Variants in ODAD4 observed in about 807,000 individuals in gnomAD.
ODAD4 encodes outer dynein arm docking complex subunit 4.
In ODAD4, 49 loss-of-function variants were observed where a neutral mutation model predicts 51.8. That is an observed-to-expected ratio of 0.95 (90% CI 0.75 to 1.20). ODAD4 has a LOEUF of 1.20. ODAD4 is among the 50% of genes most tolerant of loss of function. The pLI is 0.00. For missense variants in ODAD4, 590 were observed against 586.5 expected, an observed-to-expected ratio of 1.01 and a Z score of -0.06; for synonymous variants, 235 against 221.3, an observed-to-expected ratio of 1.06 and a Z score of -0.55.
At chr17:41,957,404 G>A (rs1335760417) in intron 10 of ODAD4, among the ~76,000 whole-genome samples, 8 of 152,064 alleles carry the variant, frequency 5.3e-5, no homozygotes, top group African/African-American at 1.9e-4. Context: ...CCTCCTATGA[G>A]AATCTAATGC....
intron 7 of ODAD4, 32 bp from the exon 8 acceptor site, chr17:41,945,104 A>G (rs782520502): frequency 1.3e-5 from 20 of 1,566,436 alleles, no homozygotes; most frequent in Non-Finnish European, 1.5e-5. Flanking sequence ...GCTGATTTCT[A>G]GTGAATGGCT....
chr17:41,944,432 ACACACACACACAC>A (rs781910874), intron 7 of ODAD4, among the ~76,000 whole-genome samples: 375 of 10,916 alleles, frequency 0.034, 12 homozygotes, highest in African/African-American at 0.044. Context: ...ACACACACAC[ACACACACACACAC>A]CCCCCCGCAT....
At position 41,931,192 on chromosome 17, in the gene ODAD4, C is replaced by A. The variant is rs182830193; in HGVS notation, c.114+355C>A. On this transcript the variant is annotated intron_variant, in intron 1 of 11. Coordinates refer to ENST00000377540, the MANE Select transcript of ODAD4 (RefSeq NM_031421.5). ...TTACAGGCGTGAGCCACTGCGCCTG[C>A]CCCCTGCCCTCACCTTTTGATTGCA... 2.9e-3 allele frequency among the ~76,000 whole-genome samples: 434 copies of A among 152,076 alleles called. 3 individuals carry two copies. The highest frequency in any genetic ancestry group is 3.8e-3 in the Non-Finnish European group (257 of 67,958).
intron 4 of ODAD4, 49 bp downstream of exon 4, chr17:41,936,583 G>A (rs782373236): frequency 2.6e-6 from 4 of 1,560,970 alleles, no homozygotes; most frequent in South Asian, 1.1e-5. Flanking sequence ...AAGAGGCTAT[G>A]TGTGCCTGAG....
Position 41,955,272 on chromosome 17 carries a change from A to T in ODAD4, c.1398A>T (p.Arg466Ser). 1.3e-6 allele frequency: 1 copy of T among 780,152 alleles called. No homozygotes were observed. Among genetic ancestry groups the T allele is most frequent in the South Asian group, 1.3e-5 (1 of 74,430 alleles). 48.3% of individuals were successfully genotyped at this position (780,152 alleles called of 1,614,324 possible). Residue 466 changes from arginine to serine, a missense_variant, in exon 10 of 12, where the codon AGA becomes AGT. By Grantham distance (110) the Arg-to-Ser change is moderately radical. Transcript: ENST00000377540. ...AVNNFEKALE[R>S]AKLVHNNEAQ... The stretch of plus-strand genomic sequence containing the variant: ...ACAATTTTGAGAAGGCCCTGGAGAG[A>T]GCAAAGCTTGTGCATAACAACGAGG...
chr17:41,965,217 C>T lies in ODAD4; in HGVS notation c.1753C>T (p.Leu585=). 2 of 775,396 alleles carry T rather than the reference C, an allele frequency of 2.6e-6. No homozygotes were observed. The highest frequency in any genetic ancestry group is 4.9e-5 in the East Asian group (2 of 41,154). 48.0% of individuals were successfully genotyped at this position (775,396 alleles called of 1,614,324 possible). A position where few individuals can be genotyped will look rare whatever the true frequency, so the allele number is the denominator to read the frequency against. The change falls in exon 12 of 12, where the codon CTG becomes TTG. Residue 585 remains leucine (L), a synonymous_variant. Coordinates refer to ENST00000377540, the MANE Select transcript of ODAD4 (RefSeq NM_031421.5). The part of the protein sequence containing the change: ...RSDLGAVAKG[L]SGELGTRSGE... ...CGATTTGGGAGCAGTTGCCAAGGGC[C>T]TGTCAGGAGAATTAGGCACAAGATC...
chr17:41,958,014 C>G (rs2050755669), intron 10 of ODAD4, among the ~76,000 whole-genome samples: 1 of 152,120 alleles, frequency 6.6e-6, no homozygotes, highest in African/African-American at 2.4e-5. Context: ...TGCACTCAAG[C>G]GATCCTCCTG....
chr17:41,936,164 A>AAGCAAGTGAG (rs1280749511), intron 3 of ODAD4, among the ~76,000 whole-genome samples: 3 of 152,194 alleles, frequency 2.0e-5, no homozygotes, highest in Non-Finnish European at 4.4e-5. Flanking sequence ...GGGAGAAGGG[A>AAGCAAGTGAG]AGCAAGTGAG....
At chr17:41,937,161 AT>A in intron 5 of ODAD4, 1 of 492,348 alleles carries the variant, frequency 2.0e-6, no homozygotes, top group African/African-American at 1.9e-5. Flanking sequence ...AGGAAGTCCA[AT>A]TTTAGAGCAA....
chr17:41,948,322 T>TC (rs1287435630), intron 8 of ODAD4, among the ~76,000 whole-genome samples: 1 of 3,076 alleles, frequency 3.3e-4, no homozygotes, highest in Non-Finnish European at 2.2e-3. Context: ...CTTTCTTTCC[T>TC]TTTTTTTTTT....
intron 7 of ODAD4, among the ~76,000 whole-genome samples, chr17:41,941,037 G>A (rs782036744): frequency 8.5e-5 from 13 of 152,098 alleles, no homozygotes; most frequent in South Asian, 6.2e-4. Flanking sequence ...TTGCCATATC[G>A]CTCAAGTTGG....
chr17:41,964,848 G>A (rs1303086235), intron 11 of ODAD4, 145 bp from the exon 12 acceptor site: 33 of 572,338 alleles, frequency 5.8e-5, no homozygotes, highest in Middle Eastern at 4.5e-4. Context: ...TCACTGTGTC[G>A]CCCAGGCTGG....
At chr17:41,948,509 GT>G (rs2050616155) in intron 8 of ODAD4, among the ~76,000 whole-genome samples, 1 of 151,616 alleles carries the variant, frequency 6.6e-6, no homozygotes, top group South Asian at 2.1e-4. Context: ...TAGAGATGGG[GT>G]TTTGCCATGT....
intron 8 of ODAD4, among the ~76,000 whole-genome samples, chr17:41,946,553 G>T (rs1199080550): frequency 6.6e-6 from 1 of 152,206 alleles, no homozygotes; most frequent in African/African-American, 2.4e-5. Context: ...TCAAACTCCT[G>T]ACCTCAGGTG....
chr17:41,942,114 T>G (rs1555638778), intron 7 of ODAD4, among the ~76,000 whole-genome samples: 1 of 152,160 alleles, frequency 6.6e-6, no homozygotes, highest in African/African-American at 2.4e-5. Flanking sequence ...TTTTGTGTTT[T>G]TAGTAGAGAT....
intron 11 of ODAD4, among the ~76,000 whole-genome samples, chr17:41,961,736 T>C (rs1555641774): frequency 6.6e-6 from 1 of 152,204 alleles, no homozygotes; most frequent in Non-Finnish European, 1.5e-5. Context: ...TGAGCACTTG[T>C]CATGTACCTG....
At chr17:41,953,092 G>A (rs1283873028) in intron 9 of ODAD4, among the ~76,000 whole-genome samples, 2 of 151,746 alleles carry the variant, frequency 1.3e-5, no homozygotes, top group Admixed American at 6.6e-5. Flanking sequence ...ATGGAGTTTC[G>A]CTGTTTCACC....
At chr17:41,955,874 A>G (rs1485492458) in intron 10 of ODAD4, among the ~76,000 whole-genome samples, 1 of 151,802 alleles carries the variant, frequency 6.6e-6, no homozygotes, top group Non-Finnish European at 1.5e-5. Flanking sequence ...ATGCAGTGGC[A>G]CTGTTATGGC....
intron 11 of ODAD4, among the ~76,000 whole-genome samples, chr17:41,964,136 C>T (rs1233630111): frequency 2.0e-5 from 3 of 151,792 alleles, no homozygotes; most frequent in African/African-American, 7.3e-5. Context: ...TCTTGGCTCA[C>T]TGCAACCTCC....
Sources: gnomAD v4.1 joint callset for allele counts (sites outside exome capture counted in the v4.1 genomes callset) on GRCh38, gnomAD v4.1.1 for gene constraint, MANE v1.5 for transcripts, NCBI Gene and HGNC (gene_info 2026-07-23, HGNC 2026-07-21) for gene names.